The following SCHIP1 variants were observed in gnomAD, a reference collection of about 807,000 sequenced individuals.
The protein encoded by SCHIP1 is schwannomin-interacting protein 1.
A neutral mutation model predicts 29.7 loss-of-function variants in SCHIP1; 8 were observed. The observed-to-expected ratio is 0.27, with a 90% CI of 0.16 to 0.49. The LOEUF is 0.49. SCHIP1 is among the 20% of genes least tolerant of loss of function. The pLI is 0.99. For missense variants in SCHIP1, 193 were observed against 294.6 expected, an observed-to-expected ratio of 0.66 and a Z score of 2.52; for synonymous variants, 76 against 94.9, an observed-to-expected ratio of 0.80 and a Z score of 1.16.
At chr3:159,390,055 CAT>C in the SCHIP1 span, among the ~76,000 whole-genome samples, 1 of 151,382 alleles carries the variant, frequency 6.6e-6, no homozygotes. Context: ...ATCCTGATTG[CAT>C]ATATATATAT....
chr3:159,398,140 C>A, the SCHIP1 span, among the ~76,000 whole-genome samples: 1 of 152,156 alleles, frequency 6.6e-6, no homozygotes, highest in Admixed American at 6.5e-5. Context: ...ACTCCCTGAC[C>A]CTTTGCGCTT....
chr3:159,451,105 C>T, the SCHIP1 span, among the ~76,000 whole-genome samples: 12 of 152,218 alleles, frequency 7.9e-5, no homozygotes, highest in African/African-American at 2.6e-4. Context: ...CTGCGCCCGG[C>T]CCACATTTAG....
the SCHIP1 span, among the ~76,000 whole-genome samples, chr3:159,396,214 C>T: frequency 6.6e-6 from 1 of 151,232 alleles, no homozygotes; most frequent in African/African-American, 2.4e-5. Context: ...CTATGTGTGT[C>T]TCTGCACTTG....
chr3:159,759,120 G>A, the SCHIP1 span, among the ~76,000 whole-genome samples: 293 of 152,220 alleles, frequency 1.9e-3, 2 homozygotes, highest in South Asian at 0.013. Flanking sequence ...CTCGTGGTTT[G>A]CTAGAAAATA....
chr3:159,450,900 C>T, the SCHIP1 span, among the ~76,000 whole-genome samples: 4 of 149,616 alleles, frequency 2.7e-5, no homozygotes, highest in African/African-American at 9.9e-5. Context: ...GCTCCACCTC[C>T]TGGGTTCACA....
the SCHIP1 span, among the ~76,000 whole-genome samples, chr3:159,591,803 C>T: frequency 1.3e-5 from 2 of 151,824 alleles, no homozygotes; most frequent in African/African-American, 4.8e-5. Context: ...AGCATTAGGA[C>T]AAATACCTAA....
chr3:159,424,110 A>T, the SCHIP1 span, among the ~76,000 whole-genome samples: 1 of 149,600 alleles, frequency 6.7e-6, no homozygotes, highest in Non-Finnish European at 1.5e-5. Context: ...GAGCAGAAAA[A>T]CTGGAAACTC....
the SCHIP1 span, among the ~76,000 whole-genome samples, chr3:159,508,538 T>C: frequency 6.6e-6 from 1 of 152,224 alleles, no homozygotes; most frequent in Non-Finnish European, 1.5e-5. Flanking sequence ...CTTGCTTCTC[T>C]AGTTCTTTTA....
At chr3:159,376,320 T>G in the SCHIP1 span, among the ~76,000 whole-genome samples, 1 of 152,184 alleles carries the variant, frequency 6.6e-6, no homozygotes, top group Non-Finnish European at 1.5e-5. Flanking sequence ...AAGGACTTTG[T>G]AAATAAATCA....
chr3:159,728,875 C>T, the SCHIP1 span, among the ~76,000 whole-genome samples: 9 of 152,154 alleles, frequency 5.9e-5, no homozygotes, highest in South Asian at 2.1e-4. Flanking sequence ...TCCGGCCAGG[C>T]GCAGTGGCTC....
At chr3:159,666,577 G>A in the SCHIP1 span, among the ~76,000 whole-genome samples, 9 of 152,028 alleles carry the variant, frequency 5.9e-5, no homozygotes, top group Non-Finnish European at 8.8e-5. Context: ...ACAGTGAAAA[G>A]GATAAAGAAA....
chr3:159,301,107 C>G, the SCHIP1 span, among the ~76,000 whole-genome samples: 1 of 152,074 alleles, frequency 6.6e-6, no homozygotes. Flanking sequence ...ATATATAGCA[C>G]TTGATATGTG....
the SCHIP1 span, among the ~76,000 whole-genome samples, chr3:159,573,776 A>G: frequency 3.5e-4 from 53 of 152,220 alleles, no homozygotes; most frequent in Admixed American, 7.8e-4. Context: ...CTTTTCATAT[A>G]GTCCCATATT....
chr3:159,275,863 G>C, the SCHIP1 span, among the ~76,000 whole-genome samples: 1 of 152,058 alleles, frequency 6.6e-6, no homozygotes. Flanking sequence ...TCTGGTGGTA[G>C]CAGATGTATG....
the SCHIP1 span, among the ~76,000 whole-genome samples, chr3:159,609,732 G>A: frequency 7.2e-5 from 11 of 152,046 alleles, no homozygotes; most frequent in Admixed American, 1.3e-4. Flanking sequence ...AGCCCTGGAC[G>A]ACTCGCCTCT....
the SCHIP1 span, among the ~76,000 whole-genome samples, chr3:159,773,795 C>T: frequency 2.6e-5 from 4 of 152,212 alleles, no homozygotes; most frequent in East Asian, 3.9e-4. Flanking sequence ...AGAAAGCTAG[C>T]GGAGAGAAGA....
the SCHIP1 span, among the ~76,000 whole-genome samples, chr3:159,507,473 G>T: frequency 6.6e-6 from 1 of 152,130 alleles, no homozygotes; most frequent in Admixed American, 6.5e-5. Flanking sequence ...TCTCCTGCCT[G>T]ATTGCCCTGG....
the SCHIP1 span, among the ~76,000 whole-genome samples, chr3:159,613,155 T>TG: frequency 6.6e-6 from 1 of 152,206 alleles, no homozygotes; most frequent in South Asian, 2.1e-4. Context: ...AAAAAATTGA[T>TG]TTACTGTATA....
the SCHIP1 span, among the ~76,000 whole-genome samples, chr3:159,602,780 T>C: frequency 6.6e-6 from 1 of 151,426 alleles, no homozygotes; most frequent in Non-Finnish European, 1.5e-5. Flanking sequence ...AATACAGGAA[T>C]AAACAAGCCA....
Sources: gnomAD v4.1 joint callset for allele counts (sites outside exome capture counted in the v4.1 genomes callset) on GRCh38, gnomAD v4.1.1 for gene constraint, MANE v1.5 for transcripts, NCBI Gene and HGNC (gene_info 2026-07-23, HGNC 2026-07-21) for gene names.